The following CHST9 variants were observed in gnomAD, a reference collection of about 807,000 sequenced individuals.
CHST9 encodes carbohydrate sulfotransferase 9.
Under a neutral mutation model 44.4 loss-of-function variants are expected in CHST9, and 41 were observed. That is an observed-to-expected ratio of 0.92 (90% confidence interval 0.72 to 1.20). The LOEUF (loss-of-function observed/expected upper bound fraction) is 1.20. Ranked by LOEUF, CHST9 falls within the 50% of genes most tolerant of loss-of-function variation. CHST9 has a pLI of 0.00. For synonymous variants in CHST9, 171 were observed against 178.4 expected, an observed-to-expected ratio of 0.96 and a Z score of 0.33; for missense variants, 504 against 516.5, an observed-to-expected ratio of 0.98 and a Z score of 0.23.
intron 1 of CHST9, among the ~76,000 whole-genome samples, chr18:27,154,185 T>G (rs2058681034): frequency 6.6e-6 from 1 of 152,162 alleles, no homozygotes; most frequent in Non-Finnish European, 1.5e-5. Flanking sequence ...ATTTTTTGCA[T>G]GATAATCAGA....
intron 4 of CHST9, among the ~76,000 whole-genome samples, chr18:26,960,423 A>G (rs1468166270): frequency 1.3e-5 from 2 of 152,196 alleles, no homozygotes; most frequent in African/African-American, 2.4e-5. Flanking sequence ...GAACTAGCAA[A>G]TTTGAAGTTT....
chr18:27,181,489 C>A (rs530341052), intron 1 of CHST9, among the ~76,000 whole-genome samples: 22 of 152,208 alleles, frequency 1.4e-4, no homozygotes, highest in African/African-American at 5.1e-4. Flanking sequence ...GGACCAAACC[C>A]CTTATTTAGA....
chr18:27,036,976 T>G (rs1249565388), intron 3 of CHST9, among the ~76,000 whole-genome samples: 1 of 152,106 alleles, frequency 6.6e-6, no homozygotes, highest in Non-Finnish European at 1.5e-5. Context: ...CTGAACTAAA[T>G]TTTGTCTTCA....
chr18:27,150,962 T>C (rs140102712), intron 1 of CHST9, among the ~76,000 whole-genome samples: 58 of 152,310 alleles, frequency 3.8e-4, no homozygotes, highest in African/African-American at 1.2e-3. Flanking sequence ...ATTGTTTCTA[T>C]CAACCATAGT....
intron 3 of CHST9, among the ~76,000 whole-genome samples, chr18:27,026,226 T>C (rs2057283827): frequency 6.6e-6 from 1 of 152,160 alleles, no homozygotes; most frequent in Non-Finnish European, 1.5e-5. Context: ...CAGGTATTGG[T>C]AATTCTTCCC....
intron 2 of CHST9, among the ~76,000 whole-genome samples, chr18:27,057,672 C>T (rs964600189): frequency 7.2e-5 from 11 of 152,340 alleles, no homozygotes; most frequent in Middle Eastern, 3.4e-3. Context: ...AGAAACATAT[C>T]GATACAGATA....
At chr18:26,975,832 C>G (rs61159954) in intron 4 of CHST9, among the ~76,000 whole-genome samples, 1 of 147,314 alleles carries the variant, frequency 6.8e-6, no homozygotes, top group Non-Finnish European at 1.5e-5. Context: ...ATAGTTCAAC[C>G]TGATTTTTGA....
At chr18:27,005,560 A>C (rs2057006514) in intron 4 of CHST9, among the ~76,000 whole-genome samples, 1 of 152,166 alleles carries the variant, frequency 6.6e-6, no homozygotes, top group Non-Finnish European at 1.5e-5. Context: ...ATATTTAGCA[A>C]ATTGTCTATG....
intron 4 of CHST9, among the ~76,000 whole-genome samples, chr18:26,992,959 C>T (rs1598621738): frequency 6.6e-6 from 1 of 152,202 alleles, no homozygotes; most frequent in Admixed American, 6.5e-5. Context: ...TTTTCATTTC[C>T]TTATAATCTG....
intron 5 of CHST9, among the ~76,000 whole-genome samples, chr18:26,925,138 A>G (rs1300710824): frequency 1.3e-5 from 2 of 152,146 alleles, no homozygotes; most frequent in African/African-American, 2.4e-5. Context: ...AAGGACAAAA[A>G]AAAATTTGGC....
intron 2 of CHST9, among the ~76,000 whole-genome samples, chr18:27,098,837 A>AAC (rs2058143397): frequency 1.3e-5 from 2 of 151,926 alleles, no homozygotes; most frequent in Non-Finnish European, 2.9e-5. Context: ...GGAAAAAAAA[A>AAC]AAACAAACCT....
chr18:27,154,707 G>A (rs943859173), intron 1 of CHST9, among the ~76,000 whole-genome samples: 8 of 151,928 alleles, frequency 5.3e-5, no homozygotes, highest in Admixed American at 3.9e-4. Flanking sequence ...ACAGCGGTTC[G>A]GTATGCAGAT....
intron 2 of CHST9, among the ~76,000 whole-genome samples, chr18:27,111,139 C>A (rs1052980974): frequency 6.6e-6 from 1 of 152,188 alleles, no homozygotes; most frequent in Non-Finnish European, 1.5e-5. Flanking sequence ...CATGAGAGAA[C>A]AAACCTTATT....
intron 2 of CHST9, among the ~76,000 whole-genome samples, chr18:27,055,504 T>C (rs1012048246): frequency 6.6e-6 from 1 of 152,170 alleles, no homozygotes; most frequent in Admixed American, 6.6e-5. Flanking sequence ...AACTAGGTTA[T>C]AGTGCTAGTT....
At chr18:27,094,374 C>G (rs1009754977) in intron 2 of CHST9, among the ~76,000 whole-genome samples, 1 of 152,132 alleles carries the variant, frequency 6.6e-6, no homozygotes, top group South Asian at 2.1e-4. Flanking sequence ...AGCAACCTCT[C>G]TTTTATTCAA....
intron 2 of CHST9, among the ~76,000 whole-genome samples, chr18:27,100,447 G>T (rs1394975956): frequency 6.6e-6 from 1 of 152,150 alleles, no homozygotes; most frequent in East Asian, 1.9e-4. Flanking sequence ...AGTGCTAGCA[G>T]TAAAGAAGGG....
intron 1 of CHST9, among the ~76,000 whole-genome samples, chr18:27,165,200 T>A (rs2058780634): frequency 6.6e-6 from 1 of 152,162 alleles, no homozygotes; most frequent in South Asian, 2.1e-4. Flanking sequence ...GACAGAATAT[T>A]TAGACAATGA....
rs201405526 is a variant in CHST9, at chr18:26,916,295, G to A, written c.1296C>T (p.Asp432=). The A allele has an allele frequency of 1.7e-4, 279 of 1,594,488 alleles. No homozygotes were observed. Among genetic ancestry groups the A allele is most frequent in the Admixed American group, 6.5e-4 (39 of 59,576 alleles). ...GAGTTGTATAATTAAACATTAAATA[G>A]TCCAAGTAATAAAAGTCATAGATTA... The part of the protein sequence containing the change: ...RQLIYDFYYL[D]YLMFNYTTPF... The change falls in exon 6 of 6, where the codon GAC becomes GAT. Residue 432 remains aspartate (D), a synonymous_variant. Transcript: ENST00000618847.
At chr18:27,125,582 A>C (rs2058413445) in intron 2 of CHST9, among the ~76,000 whole-genome samples, 1 of 152,196 alleles carries the variant, frequency 6.6e-6, no homozygotes, top group Admixed American at 6.5e-5. Context: ...ATTAATGAGA[A>C]AAATTCTTCA....
Sources: gnomAD v4.1 joint callset for allele counts (sites outside exome capture counted in the v4.1 genomes callset) on GRCh38, gnomAD v4.1.1 for gene constraint, MANE v1.5 for transcripts, NCBI Gene and HGNC (gene_info 2026-07-23, HGNC 2026-07-21) for gene names.